Variants in STAG1 observed in about 807,000 individuals in gnomAD.
STAG1 encodes STAG1 cohesin complex component.
Under a neutral mutation model 170.9 loss-of-function variants are expected in STAG1, and 26 were observed. The observed-to-expected ratio is 0.15, with a 90% confidence interval of 0.11 to 0.21. The LOEUF is 0.21. Among genes scored for constraint, STAG1 ranks in the 10% least tolerant of loss-of-function variants. The pLI is 1.00. For missense variants in STAG1, 964 were observed against 1,509.5 expected (o/e 0.64, Z 5.99); for synonymous variants, 514 against 497.7 (o/e 1.03, Z -0.44).
At chr3:136,493,980 C>G (rs1932929396) in intron 9 of STAG1, among the ~76,000 whole-genome samples, 1 of 152,120 alleles carries the variant, frequency 6.6e-6, no homozygotes, top group African/African-American at 2.4e-5. Flanking sequence ...AACAAAAAAT[C>G]TGGCGGTGTG....
intron 25 of STAG1, among the ~76,000 whole-genome samples, chr3:136,365,560 G>C (rs1452983936): frequency 6.6e-6 from 1 of 152,178 alleles, no homozygotes; most frequent in African/African-American, 2.4e-5. Flanking sequence ...TTTAGGTTGA[G>C]TGGGACCCAG....
intron 22 of STAG1, among the ~76,000 whole-genome samples, chr3:136,383,294 G>A (rs1291605683): frequency 6.6e-6 from 1 of 152,028 alleles, no homozygotes; most frequent in African/African-American, 2.4e-5. Context: ...AAAAGAAAAA[G>A]AAATATAAAA....
intron 1 of STAG1, among the ~76,000 whole-genome samples, chr3:136,653,224 A>G (rs1941274200): frequency 6.6e-6 from 1 of 152,010 alleles, no homozygotes; most frequent in Admixed American, 6.6e-5. Context: ...GTGAGCCGAG[A>G]TCGTGCTGTT....
intron 12 of STAG1, among the ~76,000 whole-genome samples, chr3:136,469,666 T>A (rs1376226924): frequency 6.6e-6 from 1 of 152,068 alleles, no homozygotes; most frequent in East Asian, 1.9e-4. Flanking sequence ...AAAAAGAGCT[T>A]GCATTGCCAA....
chr3:136,581,204 G>C (rs775065884), intron 4 of STAG1, among the ~76,000 whole-genome samples: 1 of 152,126 alleles, frequency 6.6e-6, no homozygotes, highest in Non-Finnish European at 1.5e-5. Context: ...GTCTATTTCT[G>C]TTCAAGTGAT....
At chr3:136,463,900 T>C (rs920271589) in intron 13 of STAG1, among the ~76,000 whole-genome samples, 3 of 147,332 alleles carry the variant, frequency 2.0e-5, no homozygotes, top group Non-Finnish European at 3.0e-5. Flanking sequence ...TATATACATA[T>C]ATACTTACAT....
chr3:136,562,735 C>G (rs1002220125), intron 5 of STAG1, among the ~76,000 whole-genome samples: 1 of 151,902 alleles, frequency 6.6e-6, no homozygotes, highest in African/African-American at 2.4e-5. Flanking sequence ...TTGCAGGCGC[C>G]TATCACCATG....
intron 9 of STAG1, among the ~76,000 whole-genome samples, chr3:136,478,119 C>G (rs2089805052): frequency 6.6e-6 from 1 of 152,088 alleles, no homozygotes; most frequent in African/African-American, 2.4e-5. Flanking sequence ...AGCTAGCACA[C>G]ATGTAATGAA....
At chr3:136,435,073 T>C (rs926511836) in intron 15 of STAG1, among the ~76,000 whole-genome samples, 3 of 152,372 alleles carry the variant, frequency 2.0e-5, no homozygotes, top group African/African-American at 7.2e-5. Flanking sequence ...GCTTTGATTA[T>C]ACTAGACTTA....
intron 26 of STAG1, 36 bp downstream of exon 26, chr3:136,363,330 T>C (rs1936948884): frequency 2.7e-6 from 3 of 1,102,328 alleles, no homozygotes. Context: ...ATAATGTTAT[T>C]TCCATTCTTT....
At chr3:136,504,740 A>C (rs984966117) in intron 7 of STAG1, among the ~76,000 whole-genome samples, 1 of 152,150 alleles carries the variant, frequency 6.6e-6, no homozygotes, top group Non-Finnish European at 1.5e-5. Flanking sequence ...TAAAATTAAC[A>C]CCAACCCTGG....
chr3:136,745,238 A>G (rs2107955671), intron 1 of STAG1, among the ~76,000 whole-genome samples: 1 of 152,326 alleles, frequency 6.6e-6, no homozygotes, highest in Non-Finnish European at 1.5e-5. Flanking sequence ...AAAGGAATGT[A>G]TTTCATAAAG....
At chr3:136,729,931 C>T (rs1257898149) in intron 1 of STAG1, among the ~76,000 whole-genome samples, 2 of 136,000 alleles carry the variant, frequency 1.5e-5, no homozygotes, top group Admixed American at 8.0e-5. Context: ...CTCTGTTGCC[C>T]GAGCTGGAGT....
intron 12 of STAG1, among the ~76,000 whole-genome samples, chr3:136,468,796 G>C (rs2089543316): frequency 6.6e-6 from 1 of 152,174 alleles, no homozygotes; most frequent in South Asian, 2.1e-4. Context: ...CCATGATCAA[G>C]TTGGCTTCAT....
At chr3:136,702,839 G>A (rs1466517345) in intron 1 of STAG1, among the ~76,000 whole-genome samples, 1 of 152,040 alleles carries the variant, frequency 6.6e-6, no homozygotes, top group Non-Finnish European at 1.5e-5. Flanking sequence ...AGAGGCCGAG[G>A]CGGGCAGATC....
chr3:136,524,581 CTTTA>C (rs1473044508), intron 6 of STAG1, among the ~76,000 whole-genome samples: 1 of 152,142 alleles, frequency 6.6e-6, no homozygotes, highest in Non-Finnish European at 1.5e-5. Flanking sequence ...ATTGAATACC[CTTTA>C]TTTCTTTCTC....
chr3:136,339,640 AAAAATTGTCAAAC>A (rs1377268689), intron 32 of STAG1, among the ~76,000 whole-genome samples: 3 of 152,356 alleles, frequency 2.0e-5, no homozygotes, highest in African/African-American at 7.2e-5. Flanking sequence ...ACCCAGTTTC[AAAAATTGTCAAAC>A]ATTTGGCCAG....
intron 6 of STAG1, among the ~76,000 whole-genome samples, chr3:136,522,050 G>A (rs983991137): frequency 1.6e-4 from 24 of 152,146 alleles, no homozygotes; most frequent in African/African-American, 5.6e-4. Context: ...AACACAAAAC[G>A]TAGAGTACAA....
At chr3:136,675,618 C>T (rs1166809638) in intron 1 of STAG1, among the ~76,000 whole-genome samples, 3 of 152,076 alleles carry the variant, frequency 2.0e-5, no homozygotes, top group Non-Finnish European at 4.4e-5. Context: ...ACTATATTCA[C>T]CAATTTGCAT....
Sources: allele counts gnomAD v4.1 joint callset (sites outside exome capture counted in the v4.1 genomes callset), GRCh38; gene constraint gnomAD v4.1.1; transcripts MANE v1.5; gene names NCBI Gene and HGNC (gene_info 2026-07-23, HGNC 2026-07-21).